CDH13: variants seen among roughly 807,000 people sequenced by gnomAD.
The protein encoded by CDH13 is cadherin-13.
In CDH13, 24 loss-of-function variants were observed where a neutral mutation model predicts 63.8. The ratio of observed to expected loss-of-function variants is 0.38; its 90% CI spans 0.27 to 0.53. The LOEUF (loss-of-function observed/expected upper bound fraction) is 0.53. CDH13 is among the 20% of genes least tolerant of loss of function. The pLI is 0.85. For synonymous variants in CDH13, 503 were observed against 355.3 expected (o/e 1.42, Z -4.67); for missense variants, 1,049 against 903.1 (o/e 1.16, Z -2.07).
intron 4 of CDH13, among the ~76,000 whole-genome samples, chr16:83,131,182 A>ACGGGGGGC: frequency 1.2e-5 from 1 of 86,346 alleles, no homozygotes; most frequent in South Asian, 4.3e-4. Context: ...GGGGTGTATG[A>ACGGGGGGC]CCCCCCCCCC....
At chr16:82,908,861 C>T (rs1205886121) in intron 2 of CDH13, among the ~76,000 whole-genome samples, 2 of 152,210 alleles carry the variant, frequency 1.3e-5, no homozygotes, top group Non-Finnish European at 2.9e-5. Context: ...AATGGCTCCA[C>T]TTATCCACAT....
At chr16:82,963,868 G>T (rs1338764152) in intron 2 of CDH13, among the ~76,000 whole-genome samples, 3 of 152,148 alleles carry the variant, frequency 2.0e-5, no homozygotes, top group Admixed American at 1.3e-4. Context: ...CGGGAGCAAT[G>T]GCAAGGGCAC....
At chr16:83,646,888 C>T (rs142663883) in intron 8 of CDH13, among the ~76,000 whole-genome samples, 2 of 152,070 alleles carry the variant, frequency 1.3e-5, no homozygotes, top group East Asian at 3.9e-4. Context: ...CCCCCCTTTC[C>T]CCTTCACCTG....
chr16:83,097,814 T>A (rs1266542943), intron 3 of CDH13, among the ~76,000 whole-genome samples: 1 of 152,176 alleles, frequency 6.6e-6, no homozygotes, highest in Non-Finnish European at 1.5e-5. Context: ...AGCTCCAATT[T>A]TAGAGAGCCT....
At chr16:83,106,749 T>A (rs1401793735) in intron 3 of CDH13, among the ~76,000 whole-genome samples, 1 of 152,200 alleles carries the variant, frequency 6.6e-6, no homozygotes, top group Non-Finnish European at 1.5e-5. Context: ...CACTTCAACT[T>A]AAACAAAAAG....
chr16:83,087,847 T>C (rs1597310517), intron 3 of CDH13, among the ~76,000 whole-genome samples: 1 of 152,150 alleles, frequency 6.6e-6, no homozygotes, highest in Non-Finnish European at 1.5e-5. Context: ...ATGGGTCTTA[T>C]GTATGCCCTT....
chr16:83,499,358 G>C lies in CDH13; in HGVS notation c.960+12703G>C, dbSNP rs116116382. Among the ~76,000 whole-genome samples, 511 of 152,340 alleles carry C rather than the reference G, an allele frequency of 3.4e-3. 1 individual carries two copies. The highest frequency in any genetic ancestry group is 0.012 in the African/African-American group (483 of 41,574). Reference sequence around the variant, plus strand: ...TGTGTGATGTTTTAGGAGTGGTCCTGTTGGGACTATGGTTGATTTTAACTT... The same window carrying C: ...TGTGTGATGTTTTAGGAGTGGTCCTCTTGGGACTATGGTTGATTTTAACTT... On this transcript the variant is annotated intron_variant, in intron 7 of 13. Coordinates refer to ENST00000567109, the MANE Select transcript of CDH13 (RefSeq NM_001257.5).
chr16:83,428,370 A>G (rs1378915832), intron 6 of CDH13, among the ~76,000 whole-genome samples: 2 of 149,148 alleles, frequency 1.3e-5, no homozygotes, highest in Non-Finnish European at 3.0e-5. Context: ...CCATGGTTAG[A>G]TTTTTTTTTT....
At chr16:83,327,581 G>A (rs1003917043) in intron 5 of CDH13, among the ~76,000 whole-genome samples, 1 of 152,188 alleles carries the variant, frequency 6.6e-6, no homozygotes, top group Admixed American at 6.5e-5. Flanking sequence ...GTCGTTGAGA[G>A]CTTACCTTCT....
rs111465322 is a variant in CDH13 at position 83,238,382 on chromosome 16, G to A, written c.636+20885G>A. On this transcript the variant is annotated intron_variant, in intron 5 of 13. Transcript: ENST00000567109. Reference sequence around the variant, plus strand: ...TTTATAAAACCATCAGATCTTCTGAGACTTATTCACTATCACGAGAACAGC... The same window carrying A: ...TTTATAAAACCATCAGATCTTCTGAAACTTATTCACTATCACGAGAACAGC... 5.1e-3 allele frequency among the ~76,000 whole-genome samples: 770 copies of A among 152,254 alleles called. 3 individuals are homozygous for A. The highest frequency in any genetic ancestry group is 0.018 in the African/African-American group (736 of 41,554).
At chr16:83,729,396 T>C (rs972406355) in intron 10 of CDH13, among the ~76,000 whole-genome samples, 2 of 152,188 alleles carry the variant, frequency 1.3e-5, no homozygotes, top group Non-Finnish European at 2.9e-5. Context: ...GTCTTTTTAT[T>C]GCCAAAAAAA....
At chr16:83,547,595 C>G (rs1027880404) in intron 7 of CDH13, among the ~76,000 whole-genome samples, 9 of 152,168 alleles carry the variant, frequency 5.9e-5, no homozygotes, top group African/African-American at 1.9e-4. Flanking sequence ...GGATAATGGC[C>G]TCCAGCTCCA....
intron 5 of CDH13, among the ~76,000 whole-genome samples, chr16:83,226,971 A>G (rs1445822058): frequency 6.6e-6 from 1 of 152,170 alleles, no homozygotes; most frequent in Admixed American, 6.5e-5. Context: ...GAAGAAGTGC[A>G]TTAGTGGTGT....
intron 5 of CDH13, among the ~76,000 whole-genome samples, chr16:83,283,557 C>G (rs530982330): frequency 6.6e-6 from 1 of 152,300 alleles, no homozygotes; most frequent in Non-Finnish European, 1.5e-5. Context: ...CGCTACTGCA[C>G]TCCAGCCTGG....
chr16:83,547,722 C>T (rs1277665803), intron 7 of CDH13, among the ~76,000 whole-genome samples: 1 of 152,300 alleles, frequency 6.6e-6, no homozygotes, highest in East Asian at 1.9e-4. Context: ...TAGTTTGCTT[C>T]CATGTCTTTG....
intron 2 of CDH13, among the ~76,000 whole-genome samples, chr16:82,985,102 G>A (rs1046125953): frequency 2.0e-5 from 3 of 152,198 alleles, no homozygotes; most frequent in Admixed American, 1.3e-4. Flanking sequence ...AGGTCAGTAA[G>A]TAATAGTAGT....
intron 10 of CDH13, among the ~76,000 whole-genome samples, chr16:83,697,448 A>G (rs1033859045): frequency 6.6e-6 from 1 of 152,266 alleles, no homozygotes; most frequent in Non-Finnish European, 1.5e-5. Flanking sequence ...CATGCCTTAC[A>G]GAAGAAACAG....
At chr16:82,715,422 T>C (rs1020975904) in intron 1 of CDH13, among the ~76,000 whole-genome samples, 1 of 152,094 alleles carries the variant, frequency 6.6e-6, no homozygotes. Context: ...TATTAACGGG[T>C]AATGAAGAGT....
chr16:82,685,450 AC>A (rs577943978), intron 1 of CDH13, among the ~76,000 whole-genome samples: 6 of 152,106 alleles, frequency 3.9e-5, no homozygotes, highest in Non-Finnish European at 7.4e-5. Context: ...TAACACTATC[AC>A]CTTGGGGGTT....
Sources: allele counts gnomAD v4.1 joint callset (sites outside exome capture counted in the v4.1 genomes callset), GRCh38; gene constraint gnomAD v4.1.1; transcripts MANE v1.5; gene names NCBI Gene and HGNC (gene_info 2026-07-23, HGNC 2026-07-21).